Variants in PCDHA6 observed in about 807,000 individuals in gnomAD.
PCDHA6 encodes the protein protocadherin alpha 6.
In PCDHA6, 55 loss-of-function variants were observed where a neutral mutation model predicts 60.3. The ratio of observed to expected loss-of-function variants is 0.91; its 90% CI spans 0.73 to 1.14. The LOEUF is 1.14. Ranked by LOEUF, PCDHA6 falls within the 50% of genes most tolerant of loss-of-function variation. The probability of loss-of-function intolerance (pLI) is 0.00; values close to 1 mark genes in which losing one functional copy is unlikely to be tolerated. For synonymous variants in PCDHA6, 652 were observed against 557.9 expected, an observed-to-expected ratio of 1.17 and a Z score of -2.38; for missense variants, 1,327 against 1,256.5, an observed-to-expected ratio of 1.06 and a Z score of -0.85.
chr5:140,842,929 C>A lies in PCDHA6; in HGVS notation c.2394+12444C>A, dbSNP rs2150347942. 3.8e-6 allele frequency: 6 copies of A among 1,594,270 alleles called. 1 individual carries two copies. The highest frequency in any genetic ancestry group is 5.1e-6 in the Non-Finnish European group (6 of 1,165,428). On this transcript the variant is annotated intron_variant, in intron 1 of 3. Coordinates refer to ENST00000529310, the MANE Select transcript of PCDHA6 (RefSeq NM_018909.4). ...TAGAGCTGCTGCAGTTCCAGGTGAGCGCGCGCGACGCGGGCGTGCCGCCTC... is the reference window on the plus strand; with the variant it reads ...TAGAGCTGCTGCAGTTCCAGGTGAGAGCGCGCGACGCGGGCGTGCCGCCTC...
At chr5:140,839,365 G>C (rs2150296771) in intron 1 of PCDHA6, among the ~76,000 whole-genome samples, 4 of 116,060 alleles carry the variant, frequency 3.4e-5, no homozygotes, top group East Asian at 2.4e-4. Flanking sequence ...CACCTAAGCT[G>C]TATTCATCAA....
chr5:140,884,092 G>C, intron 1 of PCDHA6: 2 of 1,613,556 alleles, frequency 1.2e-6, no homozygotes, highest in Non-Finnish European at 1.7e-6. Context: ...CGTGGCTTTC[G>C]TATGAATTGC....
intron 3 of PCDHA6, among the ~76,000 whole-genome samples, chr5:141,007,874 T>TA (rs2098349969): frequency 6.6e-6 from 1 of 152,244 alleles, no homozygotes; most frequent in African/African-American, 2.4e-5. Flanking sequence ...TCCTTTGTCT[T>TA]ACACTTCTTT....
intron 1 of PCDHA6, chr5:140,841,947 A>T: frequency 6.2e-7 from 1 of 1,613,886 alleles, no homozygotes; most frequent in Non-Finnish European, 8.5e-7. Context: ...CCTGCGCACC[A>T]CTTATTCCTG....
chr5:140,829,034 T>G lies in PCDHA6; in HGVS notation c.943T>G (p.Leu315Val). Residue 315 changes from leucine (L) to valine (V), a missense_variant, in exon 1 of 4, where the codon TTA becomes GTA. Leu to Val is a conservative substitution (Grantham distance 32). Coordinates refer to ENST00000529310, the MANE Select transcript of PCDHA6 (RefSeq NM_018909.4). Reference protein sequence around the residue: ...RGNLDFEQENLYKILIDATDK... With the variant: ...RGNLDFEQENVYKILIDATDK... ...TAATTTGGATTTTGAACAAGAAAACTTATACAAAATCCTCATTGACGCCAC... is the reference window on the plus strand; with the variant it reads ...TAATTTGGATTTTGAACAAGAAAACGTATACAAAATCCTCATTGACGCCAC... The G allele has an allele frequency of 6.2e-7, 1 of 1,613,244 alleles. No homozygotes were observed. Among genetic ancestry groups the G allele is most frequent in the Non-Finnish European group, 8.5e-7 (1 of 1,179,224 alleles).
chr5:140,898,547 A>C (rs1337213913), intron 1 of PCDHA6, among the ~76,000 whole-genome samples: 3 of 152,078 alleles, frequency 2.0e-5, no homozygotes, highest in Non-Finnish European at 4.4e-5. Flanking sequence ...CCATTTATCT[A>C]TGTCTCTGTT....
chr5:140,929,201 T>C (rs146014873), intron 1 of PCDHA6: 3 of 1,614,168 alleles, frequency 1.9e-6, no homozygotes, highest in East Asian at 4.5e-5. Flanking sequence ...AACAGTTTGC[T>C]GTTGCGTGGG....
chr5:140,963,312 TG>T (rs2153735087), intron 1 of PCDHA6, among the ~76,000 whole-genome samples: 1 of 152,332 alleles, frequency 6.6e-6, no homozygotes, highest in African/African-American at 2.4e-5. Flanking sequence ...AGAAGCTGTT[TG>T]TATTAGAATT....
chr5:140,893,433 G>A (rs1441735373), intron 1 of PCDHA6, among the ~76,000 whole-genome samples: 3 of 152,006 alleles, frequency 2.0e-5, no homozygotes, highest in African/African-American at 4.8e-5. Context: ...CAGGAAGATC[G>A]CTTGAAGCCA....
intron 1 of PCDHA6, among the ~76,000 whole-genome samples, chr5:140,941,215 C>CTTTCTTTCTTTCTTTCTT (rs2092888517): frequency 9.6e-6 from 1 of 104,510 alleles, no homozygotes; most frequent in East Asian, 2.4e-4. Flanking sequence ...TTCTTTCTTC[C>CTTTCTTTCTTTCTTTCTT]TTTCTTTCTT....
Position 140,876,851 on chromosome 5 carries a change from A to G in PCDHA6, c.2394+46366A>G, listed in dbSNP as rs1554169034. ...GCGCCTGCGTTCGCGCAGCCCGAGT[A>G]CACAGTGTTCGTGAAGGAGAACAAC... On this transcript the variant is annotated intron_variant, in intron 1 of 3. Coordinates refer to ENST00000529310, the MANE Select transcript of PCDHA6 (RefSeq NM_018909.4). The G allele has an allele frequency of 5.0e-6, 8 of 1,613,986 alleles. No individual in the cohort carries two copies. In the Admixed American group the frequency reaches 1.3e-4, roughly 27 times the overall value.
At chr5:140,944,407 G>A (rs1384591675) in intron 1 of PCDHA6, among the ~76,000 whole-genome samples, 2 of 152,036 alleles carry the variant, frequency 1.3e-5, no homozygotes, top group East Asian at 1.9e-4. Context: ...GGCTGGTCTC[G>A]AACTCCTGAT....
Position 140,841,177 on chromosome 5 carries a change from T to C in PCDHA6, c.2394+10692T>C, listed in dbSNP as rs1485843958. 5 of 1,089,016 alleles carry C rather than the reference T, an allele frequency of 4.6e-6. No homozygotes were observed. The East Asian group carries it at 7.7e-5, about 17-fold the overall frequency. 67.5% of individuals were successfully genotyped at this position (1,089,016 alleles called of 1,614,324 possible). ...CTACCAAGAAGTTCTGGTTGGTCAA[T>C]GTTCAAAGTCTTTTCTCTGACAGCA... On this transcript the variant is annotated intron_variant, in intron 1 of 3. Coordinates refer to ENST00000529310, the MANE Select transcript of PCDHA6 (RefSeq NM_018909.4).
At chr5:140,986,852 A>G (rs889945842) in intron 3 of PCDHA6, among the ~76,000 whole-genome samples, 1 of 152,190 alleles carries the variant, frequency 6.6e-6, no homozygotes, top group Admixed American at 6.5e-5. Flanking sequence ...CAGCAACACC[A>G]ACAATACCCG....
intron 1 of PCDHA6, chr5:140,882,698 G>GA: frequency 6.2e-7 from 1 of 1,614,200 alleles, no homozygotes; most frequent in Non-Finnish European, 8.5e-7. Flanking sequence ...AATCATTGCA[G>GA]AATCTAGACC....
At chr5:140,931,662 T>C (rs905670675) in intron 1 of PCDHA6, among the ~76,000 whole-genome samples, 2 of 152,028 alleles carry the variant, frequency 1.3e-5, no homozygotes, top group Non-Finnish European at 2.9e-5. Context: ...GTGGGCTGGA[T>C]ATTTCCTTAT....
rs2098416049 is a variant in PCDHA6, at chr5:141,010,101, T to G, written c.*164T>G. The G allele has an allele frequency of 6.2e-6, 10 of 1,612,488 alleles. No homozygotes were observed. Among genetic ancestry groups the G allele is most frequent in the Non-Finnish European group, 8.5e-6 (10 of 1,179,154 alleles). ...GTCTGTCTAGAACGCATTTAACAGG[T>G]TTTGTCGTAAAAGCTTTACTAAGTC... On this transcript the variant is annotated 3_prime_UTR_variant, in exon 4 of 4. Transcript: ENST00000529310.
At chr5:141,007,192 TGGTGGGGGCCAGAATATGC>T (rs1371127830) in intron 3 of PCDHA6, among the ~76,000 whole-genome samples, 1 of 151,894 alleles carries the variant, frequency 6.6e-6, no homozygotes, top group African/African-American at 2.4e-5. Flanking sequence ...AATGTTTTGA[TGGTGGGGGCCAGAATATGC>T]TGTCCCAAAA....
chr5:140,829,810 T>A lies in PCDHA6; in HGVS notation c.1719T>A (p.Thr573=). The A allele has an allele frequency of 6.2e-7, 1 of 1,613,866 alleles. No individual in the cohort carries two copies. Among genetic ancestry groups the A allele is most frequent in the Non-Finnish European group, 8.5e-7 (1 of 1,179,868 alleles). The part of the protein sequence containing the change: ...PALLAPRVGG[T]GGAVSELVPR... The stretch of plus-strand genomic sequence containing the variant: ...TGCTGGCGCCTCGGGTGGGTGGTAC[T>A]GGTGGTGCAGTGAGCGAGCTGGTGC... Residue 573 remains threonine (T), a synonymous_variant, in exon 1 of 4, where the codon ACT becomes ACA. Transcript: ENST00000529310.
Sources: allele counts gnomAD v4.1 joint callset (sites outside exome capture counted in the v4.1 genomes callset), GRCh38; gene constraint gnomAD v4.1.1; transcripts MANE v1.5; gene names NCBI Gene and HGNC (gene_info 2026-07-23, HGNC 2026-07-21).